TAFA1: variants seen among roughly 807,000 people sequenced by gnomAD.
TAFA1 encodes the protein chemokine-like protein TAFA-1.
In TAFA1, 4 loss-of-function variants were observed where a neutral mutation model predicts 18.5. The observed-to-expected ratio is 0.22, with a 90% confidence interval of 0.11 to 0.49. The LOEUF is 0.49. Among genes scored for constraint, TAFA1 ranks in the 20% least tolerant of loss-of-function variants. TAFA1 has a pLI of 0.98. For missense variants in TAFA1, 147 were observed against 169.0 expected (o/e 0.87, Z 0.72); for synonymous variants, 56 against 55.2 (o/e 1.01, Z -0.06).
rs550765425 is a variant in TAFA1, at chr3:68,217,888, TTTA to T, written c.119-199387_119-199385del. On this transcript the variant is annotated intron_variant, in intron 2 of 4. Coordinates refer to ENST00000478136, the MANE Select transcript of TAFA1 (RefSeq NM_213609.4). ...TATTTTTTCTTGCCTAATGTTAGAT[TTTA>T]TTATCATCATTATTATAATTGAAGG... 2.2e-3 allele frequency among the ~76,000 whole-genome samples: 338 copies of T among 152,186 alleles called. 2 individuals are homozygous for T. The highest frequency in any genetic ancestry group is 7.8e-3 in the African/African-American group (323 of 41,550).
intron 2 of TAFA1, among the ~76,000 whole-genome samples, chr3:68,011,752 G>A (rs376270901): frequency 6.6e-5 from 10 of 152,236 alleles, no homozygotes; most frequent in African/African-American, 2.4e-4. Flanking sequence ...GTTGTTATTC[G>A]GTGCAAGCTG....
intron 2 of TAFA1, among the ~76,000 whole-genome samples, chr3:68,232,751 A>G (rs1221092710): frequency 2.0e-5 from 3 of 152,084 alleles, no homozygotes. Context: ...CACTACAGGC[A>G]CGCACTACCA....
intron 3 of TAFA1, among the ~76,000 whole-genome samples, 159 bp from the exon 4 acceptor site, chr3:68,538,597 A>ATTTT (rs2073314493): frequency 6.6e-6 from 1 of 152,216 alleles, no homozygotes; most frequent in African/African-American, 2.4e-5. Context: ...ATATAAATTA[A>ATTTT]AATCTTATTT....
At chr3:68,394,070 A>T (rs1178219990) in intron 2 of TAFA1, among the ~76,000 whole-genome samples, 1 of 152,096 alleles carries the variant, frequency 6.6e-6, no homozygotes, top group Non-Finnish European at 1.5e-5. Flanking sequence ...TCTCAATCCA[A>T]AAACTCCTTA....
intron 2 of TAFA1, among the ~76,000 whole-genome samples, chr3:68,324,473 G>C (rs1391553397): frequency 6.6e-6 from 1 of 152,180 alleles, no homozygotes; most frequent in Non-Finnish European, 1.5e-5. Flanking sequence ...GTAACAGAGA[G>C]GGAGGGAGCA....
intron 2 of TAFA1, among the ~76,000 whole-genome samples, chr3:68,101,050 T>C (rs1184180493): frequency 2.6e-5 from 4 of 152,138 alleles, no homozygotes; most frequent in African/African-American, 9.7e-5. Flanking sequence ...ACGTGCAGGT[T>C]TGTTACATAG....
chr3:68,092,403 G>C (rs2065040048), intron 2 of TAFA1, among the ~76,000 whole-genome samples: 2 of 152,130 alleles, frequency 1.3e-5, no homozygotes, highest in African/African-American at 4.8e-5. Context: ...GGTATTTAGA[G>C]AAAAAGGTTC....
intron 2 of TAFA1, among the ~76,000 whole-genome samples, chr3:68,300,977 G>A (rs1385074705): frequency 6.6e-6 from 1 of 152,010 alleles, no homozygotes; most frequent in Non-Finnish European, 1.5e-5. Context: ...GTTCTTAATA[G>A]CAATATGAGA....
chr3:68,199,680 G>T (rs1253944162), intron 2 of TAFA1, among the ~76,000 whole-genome samples: 1 of 151,452 alleles, frequency 6.6e-6, no homozygotes, highest in African/African-American at 2.4e-5. Context: ...GAAAGTGATT[G>T]ACTTTTGCAT....
intron 2 of TAFA1, among the ~76,000 whole-genome samples, chr3:68,178,766 G>A (rs568956410): frequency 6.6e-6 from 1 of 152,348 alleles, no homozygotes; most frequent in African/African-American, 2.4e-5. Flanking sequence ...GTAGCACAAA[G>A]CTTTGTTATC....
At chr3:68,482,679 C>G (rs2072260327) in intron 3 of TAFA1, among the ~76,000 whole-genome samples, 1 of 152,200 alleles carries the variant, frequency 6.6e-6, no homozygotes, top group Admixed American at 6.5e-5. Context: ...TTTGGTAGAA[C>G]TGTCTATGGA....
intron 3 of TAFA1, among the ~76,000 whole-genome samples, chr3:68,456,385 T>C (rs1178264614): frequency 6.6e-6 from 1 of 152,190 alleles, no homozygotes; most frequent in Admixed American, 6.6e-5. Context: ...TAGGACACTT[T>C]CATCTTCATT....
intron 2 of TAFA1, among the ~76,000 whole-genome samples, chr3:68,335,489 T>C (rs1057209360): frequency 6.6e-6 from 1 of 152,192 alleles, no homozygotes; most frequent in East Asian, 1.9e-4. Flanking sequence ...TATACTCCTT[T>C]AAGTTTTAAA....
At chr3:68,010,660 C>T (rs1460679844) in intron 2 of TAFA1, among the ~76,000 whole-genome samples, 2 of 152,108 alleles carry the variant, frequency 1.3e-5, no homozygotes, top group Admixed American at 6.6e-5. Flanking sequence ...TTTTCAGTTA[C>T]TCACTAGTTA....
intron 2 of TAFA1, among the ~76,000 whole-genome samples, chr3:68,257,310 A>T (rs144858519): frequency 3.9e-4 from 60 of 152,214 alleles, no homozygotes; most frequent in African/African-American, 1.4e-3. Context: ...AATTTCCAAC[A>T]GGGCATACTG....
At chr3:68,245,129 T>C (rs1464976906) in intron 2 of TAFA1, among the ~76,000 whole-genome samples, 2 of 152,228 alleles carry the variant, frequency 1.3e-5, no homozygotes, top group Non-Finnish European at 2.9e-5. Context: ...GTTTGGAGAC[T>C]GGTTACGAAA....
intron 2 of TAFA1, among the ~76,000 whole-genome samples, chr3:68,039,356 A>G (rs546252744): frequency 6.6e-6 from 1 of 152,282 alleles, no homozygotes; most frequent in East Asian, 1.9e-4. Flanking sequence ...AAAAGTGGAA[A>G]CCTTATGGAT....
At chr3:68,513,631 C>T (rs1314034807) in intron 3 of TAFA1, among the ~76,000 whole-genome samples, 1 of 151,982 alleles carries the variant, frequency 6.6e-6, no homozygotes, top group Non-Finnish European at 1.5e-5. Context: ...ACTGTGAGCC[C>T]TAACATGGTT....
chr3:68,381,858 AG>A (rs2069965774), intron 2 of TAFA1, among the ~76,000 whole-genome samples: 1 of 152,168 alleles, frequency 6.6e-6, no homozygotes, highest in African/African-American at 2.4e-5. Flanking sequence ...CAGTTTTCAA[AG>A]GGAATGCTTC....
Sources: allele counts gnomAD v4.1 joint callset (sites outside exome capture counted in the v4.1 genomes callset), GRCh38; gene constraint gnomAD v4.1.1; transcripts MANE v1.5; gene names NCBI Gene and HGNC (gene_info 2026-07-23, HGNC 2026-07-21).